The following RANBP2 variants were observed in gnomAD, a reference collection of about 807,000 sequenced individuals.
RANBP2 encodes the protein E3 SUMO-protein ligase RanBP2.
A neutral mutation model predicts 303.6 loss-of-function variants in RANBP2; 57 were observed. The observed-to-expected ratio is 0.19, with a 90% CI of 0.15 to 0.23. The LOEUF (loss-of-function observed/expected upper bound fraction) is 0.23. Ranked by LOEUF, RANBP2 falls within the 10% of genes least tolerant of loss-of-function variation. The probability of loss-of-function intolerance (pLI) is 1.00; values close to 1 mark genes in which losing one functional copy is unlikely to be tolerated. For synonymous variants in RANBP2, 1,167 were observed against 1,301.5 expected (o/e 0.90, Z 2.23); for missense variants, 3,138 against 3,780.8 (o/e 0.83, Z 4.46).
At chr2:108,786,005 A>G (rs1358350767), downstream of RANBP2, among the ~76,000 whole-genome samples, 1 of 152,142 alleles carries the variant, frequency 6.6e-6, no homozygotes, top group Admixed American at 6.5e-5. Context: ...TTTATGAATG[A>G]GAAAAATGAA....
the RANBP2 span, among the ~76,000 whole-genome samples, chr2:109,321,067 G>A: frequency 6.6e-6 from 1 of 152,204 alleles, no homozygotes; most frequent in Non-Finnish European, 1.5e-5. Context: ...AGACATGTAA[G>A]TAATGATTAC....
At chr2:109,229,194 T>C in the RANBP2 span, among the ~76,000 whole-genome samples, 4 of 152,180 alleles carry the variant, frequency 2.6e-5, no homozygotes, top group African/African-American at 9.7e-5. Context: ...AGACCAAATA[T>C]GTATTTTTAT....
the RANBP2 span, among the ~76,000 whole-genome samples, chr2:109,431,505 T>C: frequency 2.0e-5 from 3 of 152,208 alleles, no homozygotes; most frequent in Admixed American, 2.0e-4. Context: ...GAGAGTAGCT[T>C]GGCCCATGGG....
the RANBP2 span, among the ~76,000 whole-genome samples, chr2:109,254,978 T>C: frequency 3.3e-4 from 51 of 152,268 alleles, no homozygotes; most frequent in Admixed American, 1.2e-3. Flanking sequence ...GGCTCTGTGG[T>C]TCAGGTTAGG....
At chr2:108,882,918 T>C in the RANBP2 span, 1 of 151,952 alleles carries the variant, frequency 6.6e-6, no homozygotes, top group Admixed American at 6.6e-5. Context: ...AAAGACCTTG[T>C]CTTCTTTATA....
chr2:109,359,869 C>A, the RANBP2 span, among the ~76,000 whole-genome samples: 2 of 152,106 alleles, frequency 1.3e-5, no homozygotes, highest in Non-Finnish European at 1.5e-5. Flanking sequence ...CATAAAGGGT[C>A]ATAAAATGGC....
chr2:108,777,857 G>T (rs1677994503), intron 25 of RANBP2, among the ~76,000 whole-genome samples: 1 of 152,024 alleles, frequency 6.6e-6, no homozygotes, highest in Admixed American at 6.5e-5. Flanking sequence ...CTAGTACAAG[G>T]TGTTTGATTT....
the RANBP2 span, among the ~76,000 whole-genome samples, chr2:109,587,828 G>A: frequency 2.0e-5 from 3 of 151,544 alleles, no homozygotes; most frequent in African/African-American, 7.3e-5. Flanking sequence ...CAGGAGAATC[G>A]CTTGAACCTG....
the RANBP2 span, chr2:109,616,941 G>A: frequency 1.2e-5 from 2 of 166,944 alleles, no homozygotes; most frequent in Admixed American, 6.5e-5. Flanking sequence ...TGTTTATTCT[G>A]AGGATTATTT....
At chr2:109,377,176 T>G in the RANBP2 span, among the ~76,000 whole-genome samples, 1 of 152,340 alleles carries the variant, frequency 6.6e-6, no homozygotes, top group African/African-American at 2.4e-5. Flanking sequence ...ATTGAGCAGC[T>G]TTTCAGGGGC....
chr2:108,783,860 G>C lies in RANBP2; in HGVS notation c.9634G>C (p.Val3212Leu), dbSNP rs1558944523. Residue 3212 changes from valine to leucine, a missense_variant, in exon 29 of 29, where the codon GTT becomes CTT. Physicochemically the swap from Val to Leu is conservative, Grantham distance 32 (BLOSUM62 1). Coordinates refer to ENST00000283195, the MANE Select transcript of RANBP2 (RefSeq NM_006267.5). Reference protein sequence around the residue: ...IESFGSPKGSVCRRITITECG... With the variant: ...IESFGSPKGSLCRRITITECG... ...ATCATTTGGTTCTCCCAAAGGGTCT[G>C]TTTGTCGAAGAATAACTATCACAGA... 3 of 1,613,410 alleles carry C rather than the reference G, an allele frequency of 1.9e-6. No individual in the cohort carries two copies. The highest frequency in any genetic ancestry group is 2.5e-6 in the Non-Finnish European group (3 of 1,179,434).
the RANBP2 span, among the ~76,000 whole-genome samples, chr2:109,372,639 G>C: frequency 0.27 from 40,872 of 152,198 alleles, 6,824 homozygotes; most frequent in Non-Finnish European, 0.38. Context: ...CACAGCCGAG[G>C]AGTGGCAGAA....
At chr2:108,783,142 C>T (rs914571400) in intron 28 of RANBP2, among the ~76,000 whole-genome samples, 1 of 151,448 alleles carries the variant, frequency 6.6e-6, no homozygotes, top group Non-Finnish European at 1.5e-5. Context: ...AATTTGAGAC[C>T]AGCCTGGGTA....
At chr2:108,987,550 T>G in the RANBP2 span, among the ~76,000 whole-genome samples, 10 of 152,230 alleles carry the variant, frequency 6.6e-5, no homozygotes, top group Non-Finnish European at 1.3e-4. Flanking sequence ...AGAAACCAGG[T>G]AGTGGCCAGG....
At chr2:108,983,083 T>C in the RANBP2 span, among the ~76,000 whole-genome samples, 1 of 152,234 alleles carries the variant, frequency 6.6e-6, no homozygotes, top group African/African-American at 2.4e-5. Flanking sequence ...AATTAGTTTG[T>C]GCTGCTTACA....
At chr2:108,782,976 T>C in intron 28 of RANBP2, 114 bp downstream of exon 28, 2 of 994,936 alleles carry the variant, frequency 2.0e-6, no homozygotes, top group South Asian at 1.4e-5. Context: ...AAGATTTCTT[T>C]AGGTTTTCCA....
At chr2:109,218,219 C>T in the RANBP2 span, among the ~76,000 whole-genome samples, 2 of 151,956 alleles carry the variant, frequency 1.3e-5, no homozygotes, top group Non-Finnish European at 2.9e-5. Flanking sequence ...TAGTTTTCAT[C>T]AGGGTCCTTC....
At chr2:109,153,001 C>T in the RANBP2 span, among the ~76,000 whole-genome samples, 3 of 152,216 alleles carry the variant, frequency 2.0e-5, no homozygotes, top group African/African-American at 7.2e-5. Flanking sequence ...GAGTTTGAGC[C>T]TGTCTTAGAA....
At position 108,729,106 on chromosome 2, in the gene RANBP2, G is replaced by A. The variant is rs758023257; in HGVS notation, c.73-26G>A. 2.6e-6 allele frequency: 4 copies of A among 1,562,672 alleles called. No homozygotes were observed. The African/African-American group carries it at 4.0e-5, about 16-fold the overall frequency. ...GTTGGAAAATATTTCTGTATGAAAA[G>A]TAAAACAACTTTTAATTTTTTTTAG... On this transcript the variant is annotated intron_variant, in intron 1 of 28. Transcript: ENST00000283195.
Sources: gnomAD v4.1 joint callset for allele counts (sites outside exome capture counted in the v4.1 genomes callset) on GRCh38, gnomAD v4.1.1 for gene constraint, MANE v1.5 for transcripts, NCBI Gene and HGNC (gene_info 2026-07-23, HGNC 2026-07-21) for gene names.